PRPSAP2: variants seen among roughly 807,000 people sequenced by gnomAD.
PRPSAP2 encodes the protein phosphoribosyl pyrophosphate synthetase associated protein 2.
PRPSAP2 carries 24 observed loss-of-function variants against 40.6 expected under a neutral mutation model. The ratio of observed to expected loss-of-function variants is 0.59; its 90% confidence interval spans 0.43 to 0.83. PRPSAP2 has a LOEUF of 0.83. PRPSAP2 is among the 40% of genes least tolerant of loss of function. The probability of loss-of-function intolerance (pLI) is 0.00; values close to 1 mark genes in which losing one functional copy is unlikely to be tolerated. For synonymous variants in PRPSAP2, 149 were observed against 164.7 expected, an observed-to-expected ratio of 0.90 and a Z score of 0.73; for missense variants, 292 against 465.6, an observed-to-expected ratio of 0.63 and a Z score of 3.43.
intron 9 of PRPSAP2, among the ~76,000 whole-genome samples, chr17:18,917,750 G>A (rs1199709275): frequency 1.3e-5 from 2 of 151,478 alleles, no homozygotes; most frequent in Admixed American, 6.6e-5. Flanking sequence ...TAGGGGAAGA[G>A]GAGGAGGGAG....
chr17:18,881,650 A>G (rs573288794), intron 6 of PRPSAP2, among the ~76,000 whole-genome samples: 58 of 140,856 alleles, frequency 4.1e-4, no homozygotes, highest in African/African-American at 1.6e-3. Context: ...CGATTCTCCC[A>G]CCTTAGCCTC....
At chr17:18,890,376 G>C (rs1408033236) in intron 8 of PRPSAP2, among the ~76,000 whole-genome samples, 1 of 151,590 alleles carries the variant, frequency 6.6e-6, no homozygotes, top group African/African-American at 2.4e-5. Context: ...CACCATGTTG[G>C]TCAGGCTGGT....
rs868366836 is a variant in PRPSAP2 at position 18,875,061 on chromosome 17, A to G, written c.239+2412A>G. 6.6e-5 allele frequency among the ~76,000 whole-genome samples: 10 copies of G among 152,068 alleles called. 1 individual carries two copies. The South Asian group carries it at 1.2e-3, about 19-fold the overall frequency. ...TCCTTCTGGTTGTTTATTTTTGTAC[A>G]TTTCAATACTTATCCTGTGCCCCTG... On this transcript the variant is annotated intron_variant, in intron 5 of 11. Transcript: ENST00000268835.
At chr17:18,882,901 G>A (rs2038866104) in intron 7 of PRPSAP2, among the ~76,000 whole-genome samples, 1 of 152,096 alleles carries the variant, frequency 6.6e-6, no homozygotes, top group Non-Finnish European at 1.5e-5. Context: ...TGGACCTCAA[G>A]TACCTAGAAT....
intron 7 of PRPSAP2, among the ~76,000 whole-genome samples, chr17:18,885,247 A>G (rs2039046146): frequency 6.6e-6 from 1 of 151,776 alleles, no homozygotes; most frequent in African/African-American, 2.4e-5. Context: ...CAAAAAATAT[A>G]AAAATTAACC....
chr17:18,922,357 A>T (rs1424843997), intron 9 of PRPSAP2, among the ~76,000 whole-genome samples: 1 of 152,146 alleles, frequency 6.6e-6, no homozygotes, highest in African/African-American at 2.4e-5. Flanking sequence ...AGGAACTGCC[A>T]GACTCTTTTT....
At chr17:18,901,465 C>T (rs919060101) in intron 8 of PRPSAP2, among the ~76,000 whole-genome samples, 2 of 152,036 alleles carry the variant, frequency 1.3e-5, no homozygotes, top group Non-Finnish European at 2.9e-5. Context: ...CTGCAAACTC[C>T]GCCTCCCGGG....
chr17:18,929,232 C>T (rs1257015610), intron 11 of PRPSAP2, among the ~76,000 whole-genome samples: 3 of 152,032 alleles, frequency 2.0e-5, no homozygotes, highest in Non-Finnish European at 4.4e-5. Context: ...TGGCACACAC[C>T]TGTAATCCCA....
intron 9 of PRPSAP2, among the ~76,000 whole-genome samples, chr17:18,915,022 G>C (rs57387458): frequency 0.017 from 2,160 of 129,298 alleles, 30 homozygotes; most frequent in Middle Eastern, 0.028. Context: ...CACTGCACCC[G>C]ACCTTTTTTT....
intron 4 of PRPSAP2, among the ~76,000 whole-genome samples, chr17:18,870,797 A>C (rs2151891588): frequency 7.1e-6 from 1 of 140,172 alleles, no homozygotes; most frequent in East Asian, 2.0e-4. Flanking sequence ...CAACAGAGCA[A>C]GACCTTGTCT....
chr17:18,903,207 C>CAT lies in PRPSAP2; in HGVS notation c.585-7896_585-7895insAT. On this transcript the variant is annotated intron_variant, in intron 8 of 11. Transcript: ENST00000268835. ...CTTTGGGAGGCCGAGATGGGTGGAT[C>CAT]TCCTGAGGTCAGGAGAATTGCTTGA... Among the ~76,000 whole-genome samples the CAT allele has an allele frequency of 3.0e-3, 451 of 151,480 alleles. 14 individuals carry two copies. Among genetic ancestry groups the CAT allele is most frequent in the African/African-American group, 0.01 (430 of 41,070 alleles).
intron 4 of PRPSAP2, among the ~76,000 whole-genome samples, chr17:18,871,971 A>G (rs888904626): frequency 2.6e-5 from 4 of 152,216 alleles, no homozygotes; most frequent in Non-Finnish European, 2.9e-5. Context: ...ATGATTGTCT[A>G]TAAAGATACT....
At chr17:18,915,668 TA>T (rs2041264176) in intron 9 of PRPSAP2, among the ~76,000 whole-genome samples, 1 of 152,108 alleles carries the variant, frequency 6.6e-6, no homozygotes, top group Non-Finnish European at 1.5e-5. Flanking sequence ...AACTCATTTT[TA>T]TAACAACCTG....
chr17:18,882,164 T>G (rs2038805000), intron 6 of PRPSAP2, among the ~76,000 whole-genome samples: 1 of 152,056 alleles, frequency 6.6e-6, no homozygotes, highest in Non-Finnish European at 1.5e-5. Context: ...AATAGTAACT[T>G]ATTGTATATA....
At chr17:18,924,447 T>C (rs1357041245) in intron 10 of PRPSAP2, among the ~76,000 whole-genome samples, 1 of 152,168 alleles carries the variant, frequency 6.6e-6, no homozygotes, top group Non-Finnish European at 1.5e-5. Context: ...GGCCCAGAAA[T>C]TGGAAAATGC....
intron 8 of PRPSAP2, among the ~76,000 whole-genome samples, chr17:18,905,340 C>T (rs1465738096): frequency 6.6e-6 from 1 of 151,750 alleles, no homozygotes; most frequent in South Asian, 2.1e-4. Flanking sequence ...TTTTATTTAT[C>T]TTAAGAGCAT....
At chr17:18,870,794 G>C (rs1333291405) in intron 4 of PRPSAP2, among the ~76,000 whole-genome samples, 2 of 139,276 alleles carry the variant, frequency 1.4e-5, no homozygotes, top group Admixed American at 7.5e-5. Flanking sequence ...GGGCAACAGA[G>C]CAAGACCTTG....
chr17:18,913,852 C>T lies in PRPSAP2; in HGVS notation c.733+2601C>T, dbSNP rs1000840093. ...GCCACCACTCCTGGCCGTCTGGCTT[C>T]TTTCTATCCATACTAATCTCCTTAT... is the stretch of plus-strand genomic sequence containing the variant. On this transcript the variant is annotated intron_variant, in intron 9 of 11. Coordinates refer to ENST00000268835, the MANE Select transcript of PRPSAP2 (RefSeq NM_002767.4). Among the ~76,000 whole-genome samples the T allele has an allele frequency of 2.6e-5, 4 of 151,718 alleles. No homozygotes were observed. In the South Asian group the frequency reaches 8.3e-4, roughly 32 times the overall value.
chr17:18,885,228 C>T (rs1455934554), intron 7 of PRPSAP2, among the ~76,000 whole-genome samples: 1 of 151,742 alleles, frequency 6.6e-6, no homozygotes, highest in East Asian at 1.9e-4. Context: ...TGGCAAAACC[C>T]TGTCTCTACA....
Sources: gnomAD v4.1 joint callset for allele counts (sites outside exome capture counted in the v4.1 genomes callset) on GRCh38, gnomAD v4.1.1 for gene constraint, MANE v1.5 for transcripts, NCBI Gene and HGNC (gene_info 2026-07-23, HGNC 2026-07-21) for gene names.